The following TNIK variants were observed in gnomAD, a reference collection of about 807,000 sequenced individuals.
TNIK encodes TRAF2 and NCK interacting kinase.
In TNIK, 49 loss-of-function variants were observed where a neutral mutation model predicts 191.3. The ratio of observed to expected loss-of-function variants is 0.26; its 90% confidence interval spans 0.20 to 0.32. TNIK has a LOEUF of 0.32. TNIK is among the 10% of genes least tolerant of loss of function. The pLI, the probability that TNIK is intolerant of heterozygous loss-of-function variation, is 1.00. For synonymous variants in TNIK, 594 were observed against 600.9 expected (o/e 0.99, Z 0.17); for missense variants, 1,155 against 1,702.3 (o/e 0.68, Z 5.66).
Position 171,072,028 on chromosome 3 carries a change from C to T in TNIK, c.3449-705G>A, listed in dbSNP as rs141720348. On this transcript the variant is annotated intron_variant, in intron 28 of 32. Coordinates refer to ENST00000436636, the MANE Select transcript of TNIK (RefSeq NM_015028.4). ...CTTATTGAATGGAAAAATGGAAGAA[C>T]AGACTGTTGTCTGGCATTCTCTTCA... Among the ~76,000 whole-genome samples, 64 of 152,238 alleles carry T rather than the reference C, an allele frequency of 4.2e-4. No individual in the cohort carries two copies. In the East Asian group the frequency reaches 5.2e-3, roughly 12 times the overall value.
chr3:171,068,744 A>C, intron 30 of TNIK, 104 bp downstream of exon 30: 3 of 1,160,104 alleles, frequency 2.6e-6, no homozygotes, highest in Non-Finnish European at 3.4e-6. Context: ...TTTGCTGGTT[A>C]GTAAAGTGTG....
intron 15 of TNIK, among the ~76,000 whole-genome samples, chr3:171,137,285 C>A (rs1350805155): frequency 6.6e-6 from 1 of 151,316 alleles, no homozygotes; most frequent in African/African-American, 2.4e-5. Flanking sequence ...AGTAATATTG[C>A]ATTCTAGATA....
intron 10 of TNIK, among the ~76,000 whole-genome samples, chr3:171,162,276 T>C (rs1734094098): frequency 6.6e-6 from 1 of 151,710 alleles, no homozygotes; most frequent in South Asian, 2.1e-4. Flanking sequence ...AAAAAAAAAT[T>C]AGCTGGGCGT....
At chr3:171,103,908 A>AC (rs1724089044) in intron 21 of TNIK, among the ~76,000 whole-genome samples, 1 of 152,078 alleles carries the variant, frequency 6.6e-6, no homozygotes, top group African/African-American at 2.4e-5. Flanking sequence ...TACTGATTTA[A>AC]AAAAACTTTC....
At chr3:171,149,503 T>C (rs1732140675) in intron 12 of TNIK, among the ~76,000 whole-genome samples, 1 of 152,128 alleles carries the variant, frequency 6.6e-6, no homozygotes, top group Admixed American at 6.5e-5. Context: ...AGGAAATCCC[T>C]CCCATCACAG....
intron 2 of TNIK, among the ~76,000 whole-genome samples, chr3:171,264,291 T>C (rs1748104209): frequency 6.6e-6 from 1 of 151,794 alleles, no homozygotes; most frequent in Non-Finnish European, 1.5e-5. Flanking sequence ...GTTTTATACA[T>C]CATTGCATAT....
chr3:171,283,324 T>C (rs1182549772), intron 2 of TNIK, among the ~76,000 whole-genome samples: 1 of 151,174 alleles, frequency 6.6e-6, no homozygotes, highest in African/African-American at 2.4e-5. Context: ...TTCTTTTTTC[T>C]TTTTTCTCTT....
rs528824068 is a variant in TNIK at position 171,381,074 on chromosome 3, C to A, written c.58-11389G>T. Among the ~76,000 whole-genome samples, 5 of 151,490 alleles carry A rather than the reference C, an allele frequency of 3.3e-5. No homozygotes were observed. In the South Asian group the frequency reaches 1.0e-3, roughly 32 times the overall value. ...CATTTGCATCTATTTTTTTTTCAAG[C>A]TTTTATATCTATGGCTAGGCCACCG... On this transcript the variant is annotated intron_variant, in intron 1 of 32. Coordinates refer to ENST00000436636, the MANE Select transcript of TNIK (RefSeq NM_015028.4).
rs1176032785 is a variant in TNIK at position 171,070,448 on chromosome 3, GAGAGAGAGAGAGAC to G, written c.3549+761_3549+774del. On this transcript the variant is annotated intron_variant, in intron 29 of 32. Transcript: ENST00000436636. ...ATAAAGAAGTAGACAGACATAAGCT[GAGAGAGAGAGAGAC>G]AGAGAGAGATCAGAGAGAGAGAGTG... is the stretch of plus-strand genomic sequence containing the variant. 3.4e-5 allele frequency among the ~76,000 whole-genome samples: 5 copies of G among 148,984 alleles called. No homozygotes were observed. In the East Asian group the frequency reaches 9.7e-4, roughly 29 times the overall value.
At chr3:171,436,190 G>T (rs1726011836) in intron 1 of TNIK, among the ~76,000 whole-genome samples, 1 of 151,934 alleles carries the variant, frequency 6.6e-6, no homozygotes, top group African/African-American at 2.4e-5. Context: ...ATCTACCCTG[G>T]TGCTCTGACA....
chr3:171,359,054 A>C (rs1714592545), intron 2 of TNIK, among the ~76,000 whole-genome samples: 1 of 152,216 alleles, frequency 6.6e-6, no homozygotes, highest in African/African-American at 2.4e-5. Flanking sequence ...AGGTTGCACA[A>C]CAATGTGAAT....
chr3:171,334,209 G>A (rs183188789), intron 2 of TNIK, among the ~76,000 whole-genome samples: 44 of 152,346 alleles, frequency 2.9e-4, no homozygotes, highest in Non-Finnish European at 5.4e-4. Context: ...AATAATGTGA[G>A]ATTTGGCTTT....
At chr3:171,167,376 G>T in intron 9 of TNIK, 106 bp from the exon 10 acceptor site, 1 of 1,352,344 alleles carries the variant, frequency 7.4e-7, no homozygotes. Context: ...AGGTCCAATT[G>T]GCTGGCATAG....
intron 1 of TNIK, among the ~76,000 whole-genome samples, chr3:171,381,514 T>C (rs1444604231): frequency 4.6e-5 from 7 of 152,208 alleles, no homozygotes. Flanking sequence ...TAGAGCAATC[T>C]TTTCTGTGTC....
Position 171,356,784 on chromosome 3 carries a change from T to C in TNIK, c.123+12836A>G, listed in dbSNP as rs894423764. ...CTCTCAGACCTAAATTTCTCTCCTT[T>C]AAGACAAGGTTAATCATACCTCTTC... On this transcript the variant is annotated intron_variant, in intron 2 of 32. Transcript: ENST00000436636. Among the ~76,000 whole-genome samples the C allele has an allele frequency of 5.3e-5, 8 of 152,298 alleles. No individual in the cohort carries two copies. In the South Asian group the frequency reaches 1.5e-3, roughly 28 times the overall value.
chr3:171,276,260 C>T (rs1394258300), intron 2 of TNIK, among the ~76,000 whole-genome samples: 1 of 152,112 alleles, frequency 6.6e-6, no homozygotes, highest in East Asian at 1.9e-4. Context: ...ATATGTACAA[C>T]CAAAATGAAG....
At chr3:171,332,037 T>G (rs1365126900) in intron 2 of TNIK, among the ~76,000 whole-genome samples, 1 of 152,204 alleles carries the variant, frequency 6.6e-6, no homozygotes, top group Non-Finnish European at 1.5e-5. Flanking sequence ...AATTAAAAGT[T>G]ATTTTTTTAA....
intron 3 of TNIK, among the ~76,000 whole-genome samples, chr3:171,224,598 C>T (rs1742755794): frequency 6.6e-6 from 1 of 152,088 alleles, no homozygotes; most frequent in Non-Finnish European, 1.5e-5. Context: ...ACAGAAAAGG[C>T]AGATTTTGAG....
At chr3:171,136,332 A>G (rs1269909413) in intron 15 of TNIK, among the ~76,000 whole-genome samples, 4 of 152,214 alleles carry the variant, frequency 2.6e-5, no homozygotes, top group African/African-American at 9.6e-5. Context: ...CCCAAGGTCT[A>G]CATGAATCTC....
Sources: allele counts gnomAD v4.1 joint callset (sites outside exome capture counted in the v4.1 genomes callset), GRCh38; gene constraint gnomAD v4.1.1; transcripts MANE v1.5; gene names NCBI Gene and HGNC (gene_info 2026-07-23, HGNC 2026-07-21).